Variants in DCC observed in about 807,000 individuals in gnomAD.
DCC encodes the protein netrin receptor DCC.
DCC carries 58 observed loss-of-function variants against 172.5 expected under a neutral mutation model. The observed-to-expected ratio is 0.34, with a 90% CI of 0.27 to 0.42. The LOEUF (loss-of-function observed/expected upper bound fraction) is 0.42. Ranked by LOEUF, DCC falls within the 10% of genes least tolerant of loss-of-function variation. DCC has a pLI of 1.00. For synonymous variants in DCC, 709 were observed against 644.5 expected (o/e 1.10, Z -1.52); for missense variants, 1,740 against 1,791.0 (o/e 0.97, Z 0.51).
chr18:52,749,717 A>C (rs1347447178), intron 1 of DCC, among the ~76,000 whole-genome samples: 1 of 152,200 alleles, frequency 6.6e-6, no homozygotes, highest in African/African-American at 2.4e-5. Flanking sequence ...TAATGGGCAC[A>C]TATGCTCATT....
At chr18:52,385,358 C>T (rs1288386718) in intron 1 of DCC, among the ~76,000 whole-genome samples, 2 of 151,628 alleles carry the variant, frequency 1.3e-5, no homozygotes, top group East Asian at 3.9e-4. Context: ...TCACCGCAAC[C>T]TCTGCCTCCA....
At chr18:53,039,781 C>T (rs2042144118) in intron 5 of DCC, among the ~76,000 whole-genome samples, 1 of 151,952 alleles carries the variant, frequency 6.6e-6, no homozygotes, top group Admixed American at 6.6e-5. Context: ...CTGTCAAGTT[C>T]TATGGATCCT....
chr18:52,885,131 G>A (rs1285956730), intron 2 of DCC, among the ~76,000 whole-genome samples: 1 of 152,024 alleles, frequency 6.6e-6, no homozygotes, highest in East Asian at 1.9e-4. Flanking sequence ...ACTGGGTCTT[G>A]TCTATGGCCT....
At chr18:53,076,409 C>G (rs1001255871) in intron 7 of DCC, among the ~76,000 whole-genome samples, 1 of 152,078 alleles carries the variant, frequency 6.6e-6, no homozygotes, top group African/African-American at 2.4e-5. Flanking sequence ...ATACTAGACC[C>G]TAGAAAAAGG....
chr18:52,726,876 G>T (rs1341778653), intron 1 of DCC, among the ~76,000 whole-genome samples: 1 of 152,180 alleles, frequency 6.6e-6, no homozygotes, highest in Non-Finnish European at 1.5e-5. Context: ...AGCAGATTTA[G>T]AAATGACTCA....
intron 21 of DCC, among the ~76,000 whole-genome samples, chr18:53,428,485 T>A (rs1011527194): frequency 0.025 from 854 of 33,830 alleles, 101 homozygotes; most frequent in Non-Finnish European, 0.047. Flanking sequence ...TAATATATAT[T>A]TTTTATATAT....
At chr18:52,518,119 G>GA (rs1328175098) in intron 1 of DCC, among the ~76,000 whole-genome samples, 1 of 151,976 alleles carries the variant, frequency 6.6e-6, no homozygotes, top group Admixed American at 6.6e-5. Context: ...ATTGAAAAAA[G>GA]AAAAAGCAAT....
intron 5 of DCC, among the ~76,000 whole-genome samples, chr18:53,047,984 C>T (rs1794931672): frequency 1.3e-5 from 2 of 151,510 alleles, no homozygotes; most frequent in Non-Finnish European, 2.9e-5. Context: ...ATGCCAGCCA[C>T]TCTTAGCTTG....
At chr18:52,753,898 C>T (rs765192826) in intron 2 of DCC, among the ~76,000 whole-genome samples, 1 of 151,368 alleles carries the variant, frequency 6.6e-6, no homozygotes, top group Non-Finnish European at 1.5e-5. Context: ...CAAAACCTGT[C>T]TTTTTTTTTA....
chr18:52,340,714 A>C lies in DCC; in HGVS notation c.-74A>C. The C allele has an allele frequency of 9.8e-7, 1 of 1,024,586 alleles. No individual in the cohort carries two copies. Among genetic ancestry groups the C allele is most frequent in the East Asian group, 2.4e-5 (1 of 42,172 alleles). The allele number at this position is 1,024,586 out of a possible 1,614,324, so 63.5% of individuals were successfully genotyped here. On this transcript the variant is annotated 5_prime_UTR_variant, in exon 1 of 29. It removes an upstream start codon present in the reference 5' UTR. Coordinates refer to ENST00000442544, the MANE Select transcript of DCC (RefSeq NM_005215.4). Reference sequence around the variant, plus strand: ...TCGGCGCGTGTGTGTGCATGTGTGCATGCGTGTGTGAGTGCATGTGTGTGA... The same window carrying C: ...TCGGCGCGTGTGTGTGCATGTGTGCCTGCGTGTGTGAGTGCATGTGTGTGA...
intron 2 of DCC, among the ~76,000 whole-genome samples, chr18:52,856,958 G>A (rs1300760096): frequency 6.6e-6 from 1 of 152,036 alleles, no homozygotes; most frequent in East Asian, 1.9e-4. Context: ...TTTTTCTCTA[G>A]GCTATGAGTG....
At chr18:53,475,638 G>A (rs1243449171) in intron 25 of DCC, among the ~76,000 whole-genome samples, 1 of 152,218 alleles carries the variant, frequency 6.6e-6, no homozygotes, top group Non-Finnish European at 1.5e-5. Context: ...AGGATATATG[G>A]AAATGCCTGG....
At chr18:52,404,664 T>C (rs1283335758) in intron 1 of DCC, among the ~76,000 whole-genome samples, 2 of 151,908 alleles carry the variant, frequency 1.3e-5, no homozygotes, top group Non-Finnish European at 2.9e-5. Flanking sequence ...TGTTTTCTTT[T>C]TTTTTTTTAA....
chr18:52,889,942 G>C (rs931750499), intron 2 of DCC, among the ~76,000 whole-genome samples: 1 of 151,994 alleles, frequency 6.6e-6, no homozygotes, highest in Non-Finnish European at 1.5e-5. Context: ...AGTGTTAATT[G>C]GTGTTTTTAC....
intron 2 of DCC, among the ~76,000 whole-genome samples, chr18:52,822,148 C>A (rs775938939): frequency 6.6e-6 from 1 of 152,172 alleles, no homozygotes; most frequent in Non-Finnish European, 1.5e-5. Flanking sequence ...TTCACAGAAG[C>A]CATTAATCTG....
chr18:53,503,254 G>A (rs2046126602), intron 27 of DCC, among the ~76,000 whole-genome samples: 1 of 152,166 alleles, frequency 6.6e-6, no homozygotes, highest in Non-Finnish European at 1.5e-5. Flanking sequence ...CCATTCTGTT[G>A]TCATAACGAC....
At chr18:53,038,069 C>T (rs116124870) in intron 5 of DCC, among the ~76,000 whole-genome samples, 3,874 of 151,924 alleles carry the variant, frequency 0.025, 192 homozygotes, top group African/African-American at 0.088. Flanking sequence ...AGATTATTAC[C>T]AATATTTAGC....
chr18:53,430,911 A>G (rs1290354904), intron 21 of DCC, among the ~76,000 whole-genome samples: 1 of 152,134 alleles, frequency 6.6e-6, no homozygotes, highest in Non-Finnish European at 1.5e-5. Context: ...ACTTTTGTCC[A>G]AGGAAGCATA....
chr18:53,306,262 A>G (rs1030389134), intron 13 of DCC, among the ~76,000 whole-genome samples: 6 of 152,322 alleles, frequency 3.9e-5, no homozygotes, highest in African/African-American at 1.4e-4. Context: ...TTGCATGTAA[A>G]GAATATATTT....
Sources: gnomAD v4.1 joint callset for allele counts (sites outside exome capture counted in the v4.1 genomes callset) on GRCh38, gnomAD v4.1.1 for gene constraint, MANE v1.5 for transcripts, NCBI Gene and HGNC (gene_info 2026-07-23, HGNC 2026-07-21) for gene names.